The following MAPK10 variants were observed in gnomAD, a reference collection of about 807,000 sequenced individuals.
The protein encoded by MAPK10 is JNK3 alpha protein kinase.
MAPK10 carries 25 observed loss-of-function variants against 59.3 expected under a neutral mutation model. The observed-to-expected ratio is 0.42, with a 90% CI of 0.31 to 0.59. MAPK10 has a LOEUF of 0.59. Ranked by LOEUF, MAPK10 falls within the 20% of genes least tolerant of loss-of-function variation. The pLI, the probability that MAPK10 is intolerant of heterozygous loss-of-function variation, is 0.15. For missense variants in MAPK10, 351 were observed against 568.9 expected (o/e 0.62, Z 3.90); for synonymous variants, 190 against 200.5 (o/e 0.95, Z 0.44).
Position 86,194,314 on chromosome 4 carries a change from T to C in MAPK10, c.66+22A>G, listed in dbSNP as rs751394167. 28 of 1,596,952 alleles carry C rather than the reference T, an allele frequency of 1.8e-5. No homozygotes were observed. In the East Asian group the frequency reaches 6.0e-4, roughly 34 times the overall value. On this transcript the variant is annotated intron_variant, in intron 3 of 13. Coordinates refer to ENST00000641462, the MANE Select transcript of MAPK10 (RefSeq NM_138982.4). ...TACAAGGGAATATACTGTACCTTGTTTTACCTGTAAGGAACACACACCTGA... is the reference window on the plus strand; with the variant it reads ...TACAAGGGAATATACTGTACCTTGTCTTACCTGTAAGGAACACACACCTGA...
intron 1 of MAPK10, among the ~76,000 whole-genome samples, chr4:86,553,232 G>A (rs959206077): frequency 2.0e-5 from 3 of 151,984 alleles, no homozygotes; most frequent in African/African-American, 7.3e-5. Context: ...GAAGTGTGAG[G>A]GTCTCCCACT....
upstream of MAPK10, chr4:86,360,072 C>G (rs1051045763): frequency 1.5e-5 from 15 of 985,556 alleles, no homozygotes; most frequent in Admixed American, 3.7e-4. Context: ...CCAGAGGAGA[C>G]GGACAGAGGG....
chr4:86,300,924 A>C (rs901093722), intron 2 of MAPK10: 1 of 151,378 alleles, frequency 6.6e-6, no homozygotes, highest in African/African-American at 2.4e-5. Context: ...GCTAAGCCTA[A>C]GTGGGGAGAG....
chr4:86,491,948 C>A (rs1754485317), intron 1 of MAPK10, among the ~76,000 whole-genome samples: 1 of 152,028 alleles, frequency 6.6e-6, no homozygotes, highest in African/African-American at 2.4e-5. Context: ...TCCTTTCCAG[C>A]AAGTATTCTT....
chr4:86,325,601 A>G (rs1017458289), intron 2 of MAPK10, among the ~76,000 whole-genome samples: 5 of 152,252 alleles, frequency 3.3e-5, no homozygotes, highest in African/African-American at 1.2e-4. Flanking sequence ...GATTTCAAAA[A>G]GATATGACTG....
At chr4:86,102,736 G>C (rs1424810182) in intron 6 of MAPK10, 4 of 154,160 alleles carry the variant, frequency 2.6e-5, no homozygotes, top group Admixed American at 1.3e-4. Context: ...GGCCAGCATG[G>C]TCTTGATCTC....
chr4:86,543,236 A>C (rs1758871667), intron 1 of MAPK10, among the ~76,000 whole-genome samples: 1 of 152,194 alleles, frequency 6.6e-6, no homozygotes, highest in Non-Finnish European at 1.5e-5. Context: ...TATAGGAATA[A>C]CAGAGACCAA....
At chr4:86,506,093 T>C (rs1161409891) in intron 1 of MAPK10, among the ~76,000 whole-genome samples, 2 of 152,142 alleles carry the variant, frequency 1.3e-5, no homozygotes, top group African/African-American at 4.8e-5. Context: ...AACTATTCTA[T>C]ACAGCACAGA....
chr4:86,216,294 G>T (rs901960340), intron 2 of MAPK10, among the ~76,000 whole-genome samples: 1 of 114,732 alleles, frequency 8.7e-6, no homozygotes, highest in African/African-American at 3.5e-5. Flanking sequence ...TATATATATA[G>T]CATATATATA....
At chr4:86,593,043 C>A (rs945030122) in intron 1 of MAPK10, among the ~76,000 whole-genome samples, 10 of 152,198 alleles carry the variant, frequency 6.6e-5, no homozygotes, top group Non-Finnish European at 1.5e-4. Context: ...ACATTCAATG[C>A]ATACTTGTAA....
intron 4 of MAPK10, among the ~76,000 whole-genome samples, chr4:86,134,978 G>A (rs181180580): frequency 6.9e-4 from 105 of 152,230 alleles, no homozygotes; most frequent in African/African-American, 2.4e-3. Flanking sequence ...CTTTTCCGAC[G>A]GGCTTAAAAA....
intron 2 of MAPK10, among the ~76,000 whole-genome samples, chr4:86,210,847 G>C (rs901801397): frequency 1.3e-5 from 2 of 149,314 alleles, no homozygotes; most frequent in Non-Finnish European, 3.0e-5. Context: ...AAAAAGTCAA[G>C]AAAATAACAT....
intron 1 of MAPK10, among the ~76,000 whole-genome samples, chr4:86,537,420 C>T (rs558638706): frequency 6.6e-6 from 1 of 152,092 alleles, no homozygotes; most frequent in African/African-American, 2.4e-5. Context: ...ACGGTGATAT[C>T]CCAATAGTAA....
At chr4:86,156,009 T>C (rs1405983187) in intron 4 of MAPK10, among the ~76,000 whole-genome samples, 1 of 152,006 alleles carries the variant, frequency 6.6e-6, no homozygotes, top group Non-Finnish European at 1.5e-5. Context: ...TGGGATGAGA[T>C]AGAGTGAGAC....
At chr4:86,436,246 T>C (rs541821238) in intron 1 of MAPK10, among the ~76,000 whole-genome samples, 9 of 152,294 alleles carry the variant, frequency 5.9e-5, no homozygotes, top group African/African-American at 2.2e-4. Flanking sequence ...AAAATGAAAC[T>C]CACAAAGTCT....
chr4:86,129,278 G>C (rs1015547095), intron 4 of MAPK10, among the ~76,000 whole-genome samples: 3 of 152,014 alleles, frequency 2.0e-5, no homozygotes, highest in Non-Finnish European at 4.4e-5. Context: ...CTTTACATAA[G>C]CATCTTTGTG....
intron 2 of MAPK10, among the ~76,000 whole-genome samples, chr4:86,320,841 T>C (rs1263388089): frequency 7.2e-5 from 11 of 152,102 alleles, no homozygotes; most frequent in Admixed American, 7.2e-4. Flanking sequence ...GTATAAGCTG[T>C]AAGGAAGGGA....
chr4:86,415,327 C>T (rs930433365), intron 1 of MAPK10, among the ~76,000 whole-genome samples: 4 of 152,090 alleles, frequency 2.6e-5, no homozygotes, highest in South Asian at 2.1e-4. Context: ...GGCATAGAAA[C>T]GTCAGCTTAA....
At chr4:86,447,734 G>A (rs983587140) in intron 1 of MAPK10, among the ~76,000 whole-genome samples, 6 of 151,792 alleles carry the variant, frequency 4.0e-5, no homozygotes, top group African/African-American at 7.3e-5. Context: ...TACAACAATG[G>A]TAATATACTA....
Sources: gnomAD v4.1 joint callset for allele counts (sites outside exome capture counted in the v4.1 genomes callset) on GRCh38, gnomAD v4.1.1 for gene constraint, MANE v1.5 for transcripts, NCBI Gene and HGNC (gene_info 2026-07-23, HGNC 2026-07-21) for gene names.